The following RAD51B variants were observed in gnomAD, a reference collection of about 807,000 sequenced individuals.
RAD51B encodes the protein DNA repair protein RAD51 homolog 2.
RAD51B carries 38 observed loss-of-function variants against 42.2 expected under a neutral mutation model. The observed-to-expected ratio is 0.90, with a 90% confidence interval of 0.70 to 1.18. The LOEUF is 1.18. RAD51B is among the 50% of genes most tolerant of loss of function. The pLI, the probability that RAD51B is intolerant of heterozygous loss-of-function variation, is 0.00. For missense variants in RAD51B, 373 were observed against 400.7 expected, an observed-to-expected ratio of 0.93 and a Z score of 0.59; for synonymous variants, 154 against 145.2, an observed-to-expected ratio of 1.06 and a Z score of -0.43.
At chr14:68,647,185 T>G (rs1460266927) in intron 10 of RAD51B, among the ~76,000 whole-genome samples, 1 of 152,260 alleles carries the variant, frequency 6.6e-6, no homozygotes, top group Non-Finnish European at 1.5e-5. Flanking sequence ...ATTTTTTTCA[T>G]TCTTTTATAT....
chr14:68,549,219 T>C (rs1888387280), intron 10 of RAD51B, among the ~76,000 whole-genome samples: 1 of 151,812 alleles, frequency 6.6e-6, no homozygotes, highest in South Asian at 2.1e-4. Context: ...ATCCCCGTTT[T>C]TGAGCCACAG....
chr14:68,357,631 C>G (rs1312804811), intron 8 of RAD51B, among the ~76,000 whole-genome samples: 1 of 152,140 alleles, frequency 6.6e-6, no homozygotes, highest in Non-Finnish European at 1.5e-5. Context: ...ACTCCTTGAT[C>G]CATGGGCCGC....
At chr14:68,168,268 A>T (rs544438857) in intron 7 of RAD51B, among the ~76,000 whole-genome samples, 39 of 152,266 alleles carry the variant, frequency 2.6e-4, no homozygotes, top group African/African-American at 8.4e-4. Flanking sequence ...GTACAAAGCA[A>T]AACTTTTGTA....
At chr14:68,559,051 TA>T (rs1889007252) in intron 10 of RAD51B, among the ~76,000 whole-genome samples, 1 of 151,716 alleles carries the variant, frequency 6.6e-6, no homozygotes, top group African/African-American at 2.4e-5. Context: ...TACATATCTC[TA>T]ATAGGTATTT....
intron 10 of RAD51B, among the ~76,000 whole-genome samples, chr14:68,527,311 G>C (rs945966810): frequency 6.6e-6 from 1 of 152,220 alleles, no homozygotes; most frequent in African/African-American, 2.4e-5. Flanking sequence ...TAACCTGGGA[G>C]CCTAGACAGT....
chr14:68,511,695 TAGAG>T (rs1885740015), intron 10 of RAD51B, among the ~76,000 whole-genome samples: 1 of 152,154 alleles, frequency 6.6e-6, no homozygotes, highest in Non-Finnish European at 1.5e-5. Flanking sequence ...TTCAGAGAAT[TAGAG>T]AGTGTTGGAG....
chr14:67,945,360 A>C (rs1185384001), intron 7 of RAD51B, among the ~76,000 whole-genome samples: 10 of 152,204 alleles, frequency 6.6e-5, no homozygotes, highest in Admixed American at 6.5e-4. Flanking sequence ...ATCTTGGGAC[A>C]TTAATTGTCA....
At chr14:67,835,038 T>C (rs1222560867) in intron 3 of RAD51B, 42 bp from the exon 4 acceptor site, 1 of 1,425,086 alleles carries the variant, frequency 7.0e-7, no homozygotes, top group South Asian at 1.2e-5. Flanking sequence ...TTTTTGAATA[T>C]ATATAGAGGT....
At chr14:68,093,325 G>A (rs963674277) in intron 7 of RAD51B, among the ~76,000 whole-genome samples, 1 of 152,100 alleles carries the variant, frequency 6.6e-6, no homozygotes, top group African/African-American at 2.4e-5. Flanking sequence ...GAATCCATCT[G>A]GTCCTGGACT....
intron 7 of RAD51B, among the ~76,000 whole-genome samples, chr14:68,009,759 C>T (rs991208862): frequency 6.6e-6 from 1 of 151,790 alleles, no homozygotes; most frequent in Non-Finnish European, 1.5e-5. Context: ...CTTTATTTTT[C>T]TTCATAATAC....
chr14:68,076,576 A>G (rs995229908), intron 7 of RAD51B, among the ~76,000 whole-genome samples: 3 of 152,216 alleles, frequency 2.0e-5, no homozygotes, highest in African/African-American at 4.8e-5. Flanking sequence ...AAAAAGGACC[A>G]AGAAATTAGA....
At chr14:68,594,779 T>C (rs896336184) in exon 11 of RAD51B, 3 of 1,248,970 alleles carry the variant, frequency 2.4e-6, no homozygotes, top group Non-Finnish European at 3.1e-6. Context: ...GAGATGTGTG[T>C]AGGGCCACAA....
At chr14:68,370,878 C>G (rs1338032215) in intron 8 of RAD51B, among the ~76,000 whole-genome samples, 1 of 148,388 alleles carries the variant, frequency 6.7e-6, no homozygotes, top group Non-Finnish European at 1.5e-5. Flanking sequence ...ACTAAAAATA[C>G]AAAAAAAAAT....
chr14:67,876,766 A>G (rs2042741859), intron 5 of RAD51B, among the ~76,000 whole-genome samples: 1 of 152,128 alleles, frequency 6.6e-6, no homozygotes, highest in South Asian at 2.1e-4. Context: ...TTGAGAGTGG[A>G]TGTAGGGTTA....
chr14:68,107,880 T>G (rs962228636), intron 7 of RAD51B, among the ~76,000 whole-genome samples: 2 of 151,804 alleles, frequency 1.3e-5, no homozygotes, highest in African/African-American at 2.4e-5. Flanking sequence ...ACAATCTTTG[T>G]GACCTTGAAA....
At chr14:68,511,529 T>A (rs117301205) in intron 10 of RAD51B, among the ~76,000 whole-genome samples, 2 of 152,194 alleles carry the variant, frequency 1.3e-5, no homozygotes, top group Non-Finnish European at 2.9e-5. Context: ...ATGGCTACCT[T>A]CCAGAACCTT....
chr14:68,558,751 T>A (rs1469286043), intron 10 of RAD51B, among the ~76,000 whole-genome samples: 2 of 152,172 alleles, frequency 1.3e-5, no homozygotes, highest in Non-Finnish European at 2.9e-5. Context: ...AATAATCTCA[T>A]CTCCACCTAC....
intron 7 of RAD51B, among the ~76,000 whole-genome samples, chr14:68,020,972 G>A (rs1449586517): frequency 6.6e-6 from 1 of 152,148 alleles, no homozygotes; most frequent in Non-Finnish European, 1.5e-5. Flanking sequence ...ATAAACAGGA[G>A]TGTTAGTTCT....
At chr14:68,134,812 C>T (rs10134124) in intron 7 of RAD51B, among the ~76,000 whole-genome samples, 14,981 of 150,830 alleles carry the variant, frequency 0.099, 2,220 homozygotes, top group African/African-American at 0.32. Flanking sequence ...GAATCCTCTT[C>T]GCATTCTAGA....
Sources: gnomAD v4.1 joint callset for allele counts (sites outside exome capture counted in the v4.1 genomes callset) on GRCh38, gnomAD v4.1.1 for gene constraint, MANE v1.5 for transcripts, NCBI Gene and HGNC (gene_info 2026-07-23, HGNC 2026-07-21) for gene names.